Variants in RAB38 observed in about 807,000 individuals in gnomAD.
RAB38 encodes the protein RAB38, member RAS oncogene family, also known as ras-related protein Rab-38.
In RAB38, 15 loss-of-function variants were observed where a neutral mutation model predicts 18.4. The observed-to-expected ratio is 0.82, with a 90% CI of 0.55 to 1.26. The LOEUF is 1.26. RAB38 is among the 50% of genes most tolerant of loss of function. RAB38 has a pLI of 0.00. For missense variants in RAB38, 294 were observed against 267.4 expected, an observed-to-expected ratio of 1.10 and a Z score of -0.69; for synonymous variants, 101 against 104.4, an observed-to-expected ratio of 0.97 and a Z score of 0.20.
chr11:88,027,301 AGACGGGT>A, the RAB38 span, among the ~76,000 whole-genome samples: 4 of 152,322 alleles, frequency 2.6e-5, no homozygotes, highest in Admixed American at 1.3e-4. Flanking sequence ...GCGACGCAGA[AGACGGGT>A]GATTTCTGCA....
the RAB38 span, among the ~76,000 whole-genome samples, chr11:87,876,127 T>A: frequency 6.6e-6 from 1 of 151,594 alleles, no homozygotes; most frequent in Non-Finnish European, 1.5e-5. Flanking sequence ...TCAATATAGA[T>A]CTCTGGGGAT....
the RAB38 span, among the ~76,000 whole-genome samples, chr11:87,903,153 AG>A: frequency 4.6e-5 from 7 of 151,494 alleles, no homozygotes; most frequent in East Asian, 1.4e-3. Context: ...CTTTGTTCCC[AG>A]GCTTAAAAGA....
the RAB38 span, among the ~76,000 whole-genome samples, chr11:87,923,620 C>T: frequency 6.0e-5 from 9 of 151,188 alleles, no homozygotes; most frequent in African/African-American, 1.7e-4. Flanking sequence ...AATGCAGATA[C>T]ATTTTTTAAA....
chr11:88,009,274 A>G, the RAB38 span, among the ~76,000 whole-genome samples: 14 of 152,172 alleles, frequency 9.2e-5, no homozygotes, highest in Admixed American at 9.2e-4. Context: ...AAGCATAAGC[A>G]TATAATAGAG....
At chr11:87,953,426 G>A in the RAB38 span, among the ~76,000 whole-genome samples, 1 of 152,116 alleles carries the variant, frequency 6.6e-6, no homozygotes, top group Admixed American at 6.6e-5. Flanking sequence ...CCCCTTACTG[G>A]CAGTTTCACT....
chr11:87,956,878 C>A, the RAB38 span, among the ~76,000 whole-genome samples: 18 of 152,066 alleles, frequency 1.2e-4, no homozygotes, highest in African/African-American at 3.9e-4. Context: ...TCCCTCCCCC[C>A]ACCTTCAGTT....
intron 2 of RAB38, among the ~76,000 whole-genome samples, chr11:88,141,969 T>C (rs981061205): frequency 2.0e-5 from 3 of 152,180 alleles, no homozygotes; most frequent in Non-Finnish European, 2.9e-5. Flanking sequence ...AGGAGATAGA[T>C]ATATGCCAGG....
the RAB38 span, among the ~76,000 whole-genome samples, chr11:88,004,560 A>G: frequency 6.6e-6 from 1 of 151,324 alleles, no homozygotes; most frequent in East Asian, 1.9e-4. Flanking sequence ...AACGCTATCC[A>G]TCTATGAGCA....
the RAB38 span, among the ~76,000 whole-genome samples, chr11:87,873,157 A>T: frequency 2.0e-5 from 3 of 151,554 alleles, no homozygotes; most frequent in Non-Finnish European, 4.4e-5. Flanking sequence ...GGTACGTAAT[A>T]ATATCTCATG....
chr11:87,804,908 T>G, the RAB38 span, among the ~76,000 whole-genome samples: 1 of 152,218 alleles, frequency 6.6e-6, no homozygotes, highest in South Asian at 2.1e-4. Flanking sequence ...GTGTTATCAT[T>G]TTTAGCTTAA....
At chr11:87,959,238 A>G in the RAB38 span, among the ~76,000 whole-genome samples, 14 of 152,294 alleles carry the variant, frequency 9.2e-5, no homozygotes, top group East Asian at 2.7e-3. Flanking sequence ...CATTGTGATT[A>G]AGGGAATCAA....
At chr11:88,139,400 T>C (rs979195310) in intron 2 of RAB38, among the ~76,000 whole-genome samples, 14 of 152,144 alleles carry the variant, frequency 9.2e-5, no homozygotes, top group Admixed American at 9.2e-4. Flanking sequence ...GGGTAACAGC[T>C]TTTTCTTCAG....
chr11:87,875,477 A>G, the RAB38 span, among the ~76,000 whole-genome samples: 17 of 151,622 alleles, frequency 1.1e-4, no homozygotes, highest in African/African-American at 4.1e-4. Context: ...GTATGTCCAT[A>G]CACATTTTAG....
At chr11:87,966,677 G>A in the RAB38 span, among the ~76,000 whole-genome samples, 1 of 152,232 alleles carries the variant, frequency 6.6e-6, no homozygotes, top group African/African-American at 2.4e-5. Flanking sequence ...GACTGGCATT[G>A]TCTCTAGCCC....
At chr11:88,072,757 A>G in the RAB38 span, among the ~76,000 whole-genome samples, 1,265 of 152,278 alleles carry the variant, frequency 8.3e-3, 18 homozygotes, top group African/African-American at 0.029. Context: ...ACATTACCAA[A>G]GAAAAAAATA....
chr11:88,175,268 C>T lies in RAB38; in HGVS notation c.117G>A (p.Arg39=), dbSNP rs907205056. 3.7e-6 allele frequency: 6 copies of T among 1,614,028 alleles called. No individual in the cohort carries two copies. In the Admixed American group the frequency reaches 5.0e-5, roughly 13 times the overall value. The change falls in exon 1 of 3, where the codon CGG becomes CGA. Residue 39 remains arginine, a synonymous_variant. Transcript: ENST00000243662. ...GCGCGAAGTCCACGCCGATTGTGGC[C>T]CGGTAGTGCGAAGAGAAGTTCTGGT... ...YVHQNFSSHY[R]ATIGVDFALK... is the part of the protein sequence containing the mutation.
the RAB38 span, among the ~76,000 whole-genome samples, chr11:87,917,605 G>A: frequency 1.7e-4 from 23 of 138,748 alleles, no homozygotes; most frequent in Non-Finnish European, 3.2e-4. Flanking sequence ...TAAAATGCAT[G>A]CTGCATTGTT....
At chr11:87,901,571 C>A in the RAB38 span, among the ~76,000 whole-genome samples, 1 of 151,604 alleles carries the variant, frequency 6.6e-6, no homozygotes, top group African/African-American at 2.4e-5. Flanking sequence ...CTAAAGCATT[C>A]ATTCTCAACC....
chr11:88,118,060 A>T (rs1404071189), intron 2 of RAB38, among the ~76,000 whole-genome samples: 2 of 152,162 alleles, frequency 1.3e-5, no homozygotes, highest in Admixed American at 1.3e-4. Flanking sequence ...ATAAATACTA[A>T]TATTTACCAC....
Sources: allele counts gnomAD v4.1 joint callset (sites outside exome capture counted in the v4.1 genomes callset), GRCh38; gene constraint gnomAD v4.1.1; transcripts MANE v1.5; gene names NCBI Gene and HGNC (gene_info 2026-07-23, HGNC 2026-07-21).